PRKN: variants seen among roughly 807,000 people sequenced by gnomAD.
PRKN encodes parkin RBR E3 ubiquitin protein ligase.
A neutral mutation model predicts 59.5 loss-of-function variants in PRKN; 56 were observed. That is an observed-to-expected ratio of 0.94 (90% confidence interval 0.76 to 1.18). PRKN has a LOEUF of 1.18. Ranked by LOEUF, PRKN falls within the 50% of genes most tolerant of loss-of-function variation. The pLI, the probability that PRKN is intolerant of heterozygous loss-of-function variation, is 0.00. For synonymous variants in PRKN, 250 were observed against 222.1 expected (o/e 1.13, Z -1.12); for missense variants, 657 against 596.4 (o/e 1.10, Z -1.06).
chr6:162,320,370 A>AG (rs1782948000), intron 2 of PRKN, among the ~76,000 whole-genome samples: 1 of 146,544 alleles, frequency 6.8e-6, no homozygotes, highest in Admixed American at 6.8e-5. Flanking sequence ...GCCAAAAAAA[A>AG]AAAAAAAAAA....
intron 2 of PRKN, among the ~76,000 whole-genome samples, chr6:162,349,789 A>G (rs539838194): frequency 5.3e-5 from 8 of 152,306 alleles, no homozygotes; most frequent in Admixed American, 1.3e-4. Flanking sequence ...AAGGAGGAAC[A>G]CAGTGAGGAT....
At chr6:162,445,556 G>A (rs1394285930) in intron 1 of PRKN, among the ~76,000 whole-genome samples, 3 of 151,516 alleles carry the variant, frequency 2.0e-5, no homozygotes, top group African/African-American at 7.3e-5. Flanking sequence ...GCAGGGCGTG[G>A]TGGCGTGCAC....
chr6:161,863,190 T>A (rs898021026), intron 6 of PRKN, among the ~76,000 whole-genome samples: 1 of 152,178 alleles, frequency 6.6e-6, no homozygotes, highest in Non-Finnish European at 1.5e-5. Context: ...GAACATTCAA[T>A]TTTTGAGACA....
chr6:162,632,561 G>C (rs974234471), intron 1 of PRKN, among the ~76,000 whole-genome samples: 3 of 152,024 alleles, frequency 2.0e-5, no homozygotes, highest in African/African-American at 7.3e-5. Flanking sequence ...CACTACCTGG[G>C]TGATAGGATC....
intron 1 of PRKN, among the ~76,000 whole-genome samples, chr6:162,592,606 C>T (rs1297366734): frequency 1.3e-5 from 2 of 152,072 alleles, no homozygotes; most frequent in African/African-American, 4.8e-5. Flanking sequence ...ACAGACACAA[C>T]CAAAAGAGGT....
intron 1 of PRKN, among the ~76,000 whole-genome samples, chr6:162,466,032 A>G (rs1791397891): frequency 6.6e-6 from 1 of 152,222 alleles, no homozygotes. Flanking sequence ...AGAACCACCA[A>G]TATTTTTCTT....
At chr6:161,662,562 C>A (rs1474501958) in intron 7 of PRKN, among the ~76,000 whole-genome samples, 1 of 152,008 alleles carries the variant, frequency 6.6e-6, no homozygotes, top group Non-Finnish European at 1.5e-5. Context: ...TGGTGAATGG[C>A]AGACAGTGGC....
chr6:162,236,237 A>G (rs1257535341), intron 3 of PRKN, among the ~76,000 whole-genome samples: 1 of 152,188 alleles, frequency 6.6e-6, no homozygotes, highest in Admixed American at 6.5e-5. Context: ...CAGACTTCCA[A>G]TTCCTATCCT....
Position 161,349,562 on chromosome 6 carries a change from T to C in PRKN, c.*537A>G, listed in dbSNP as rs1451078819. 1 of 235,028 alleles carries C rather than the reference T, an allele frequency of 4.3e-6. No homozygotes were observed. The allele number at this position is 235,028 out of a possible 1,614,324, so 14.6% of individuals were successfully genotyped here. A position where few individuals can be genotyped will look rare whatever the true frequency, so the allele number is the denominator to read the frequency against. On this transcript the variant is annotated 3_prime_UTR_variant, in exon 12 of 12. Transcript: ENST00000366898. This position sits in a 1 kb window ranked among gnomAD's most constrained non-coding sequence, Gnocchi z 5.5. The stretch of plus-strand genomic sequence containing the variant: ...AATAGATGCTTTCTGAAAATTTAAA[T>C]AAGAACATTACTGTTAAAGCCATGA...
At chr6:161,762,286 G>A (rs1562664095) in intron 7 of PRKN, among the ~76,000 whole-genome samples, 2 of 152,210 alleles carry the variant, frequency 1.3e-5, no homozygotes, top group Non-Finnish European at 2.9e-5. Context: ...ACCTGACAAT[G>A]AGGAATTTTG....
In PRKN at chr6:161,353,623, A is replaced by T. The variant is rs1784645024; in HGVS notation, c.1286-3412T>A. ...TCGCCCTCTGCATCTCTTCATCTGT[A>T]TCTTTTGTAATATCCTTTATAATAA... On this transcript the variant is annotated intron_variant, in intron 11 of 11. Coordinates refer to ENST00000366898, the MANE Select transcript of PRKN (RefSeq NM_004562.3). The surrounding 1 kb of genome is among the most constrained non-coding windows in gnomAD (Gnocchi z 4.8). Among the ~76,000 whole-genome samples, 1 of 152,160 alleles carries T rather than the reference A, an allele frequency of 6.6e-6. No homozygotes were observed. The highest frequency in any genetic ancestry group is 2.4e-5 in the African/African-American group (1 of 41,456).
At chr6:162,228,700 A>G (rs945654246) in intron 3 of PRKN, among the ~76,000 whole-genome samples, 2 of 152,208 alleles carry the variant, frequency 1.3e-5, no homozygotes, top group African/African-American at 2.4e-5. Context: ...CACTTTAATG[A>G]GGCGAAAACA....
chr6:161,394,077 C>A (rs1786637527), intron 9 of PRKN, among the ~76,000 whole-genome samples: 1 of 152,172 alleles, frequency 6.6e-6, no homozygotes, highest in Non-Finnish European at 1.5e-5. Flanking sequence ...GAGTCACCAG[C>A]CGCTGATATA....
chr6:161,909,398 A>G (rs901578251), intron 6 of PRKN, among the ~76,000 whole-genome samples: 5 of 152,218 alleles, frequency 3.3e-5, no homozygotes, highest in Non-Finnish European at 5.9e-5. Context: ...GTGTGCCCTG[A>G]TAAGAAATGT....
chr6:162,413,728 C>T (rs529356908), intron 2 of PRKN, among the ~76,000 whole-genome samples: 2 of 152,256 alleles, frequency 1.3e-5, no homozygotes, highest in African/African-American at 4.8e-5. Context: ...GTTATTCTTT[C>T]ATGTTTTTTG....
chr6:162,231,100 A>G (rs1160202020), intron 3 of PRKN, among the ~76,000 whole-genome samples: 1 of 152,138 alleles, frequency 6.6e-6, no homozygotes, highest in Non-Finnish European at 1.5e-5. Context: ...AACCTCAGAT[A>G]AATATGCCTC....
rs1250611648 is a variant in PRKN at position 162,508,023 on chromosome 6, T to C, written c.8-64550A>G. Among the ~76,000 whole-genome samples the C allele has an allele frequency of 1.6e-4, 25 of 152,156 alleles. 1 individual carries two copies. Among genetic ancestry groups the C allele is most frequent in the Admixed American group, 1.4e-3 (22 of 15,268 alleles). On this transcript the variant is annotated intron_variant, in intron 1 of 11. Transcript: ENST00000366898. ...TCAATTTTCATGCTGCTGATAAAGATATACCCAAGACTGGGCAATTTACAA... is the reference window on the plus strand; with the variant it reads ...TCAATTTTCATGCTGCTGATAAAGACATACCCAAGACTGGGCAATTTACAA...
At chr6:162,657,959 A>G (rs1259826678) in intron 1 of PRKN, among the ~76,000 whole-genome samples, 3 of 152,216 alleles carry the variant, frequency 2.0e-5, no homozygotes, top group Non-Finnish European at 2.9e-5. Context: ...TAGGTATTTT[A>G]GAATTCTTAA....
In PRKN at chr6:161,987,821, A is replaced by T. The variant is rs187376578; in HGVS notation, c.619-14404T>A. On this transcript the variant is annotated intron_variant, in intron 5 of 11. Transcript: ENST00000366898. Reference sequence around the variant, plus strand: ...GTGTCATAAGGACACCATTAAAGTTATTTATTTGTTTATCTCTCCTCTATT... The same window carrying T: ...GTGTCATAAGGACACCATTAAAGTTTTTTATTTGTTTATCTCTCCTCTATT... Among the ~76,000 whole-genome samples the T allele has an allele frequency of 2.6e-5, 4 of 152,322 alleles. No individual in the cohort carries two copies. The East Asian group carries it at 7.7e-4, about 29-fold the overall frequency.
Sources: allele counts gnomAD v4.1 joint callset (sites outside exome capture counted in the v4.1 genomes callset), GRCh38; gene constraint gnomAD v4.1.1; non-coding constraint Gnocchi (gnomAD v3.1); transcripts MANE v1.5; gene names NCBI Gene and HGNC (gene_info 2026-07-23, HGNC 2026-07-21).